The following XRCC4 variants were observed in gnomAD, a reference collection of about 807,000 sequenced individuals.
XRCC4 encodes DNA repair protein XRCC4.
XRCC4 carries 28 observed loss-of-function variants against 39.1 expected under a neutral mutation model. That is an observed-to-expected ratio of 0.72 (90% CI 0.53 to 0.98). The LOEUF (loss-of-function observed/expected upper bound fraction) is 0.98, where lower values mean the gene tolerates loss of function less well. XRCC4 is among the 50% of genes least tolerant of loss of function. The pLI, the probability that XRCC4 is intolerant of heterozygous loss-of-function variation, is 0.00. For missense variants in XRCC4, 350 were observed against 376.4 expected (o/e 0.93, Z 0.58); for synonymous variants, 123 against 126.4 (o/e 0.97, Z 0.18).
intron 3 of XRCC4, among the ~76,000 whole-genome samples, chr5:83,151,072 C>T (rs1436673321): frequency 6.6e-6 from 1 of 151,944 alleles, no homozygotes; most frequent in Non-Finnish European, 1.5e-5. Context: ...AATAGCAAGG[C>T]TTCATATATA....
chr5:83,305,208 C>T (rs1294816349), intron 7 of XRCC4, among the ~76,000 whole-genome samples: 2 of 152,076 alleles, frequency 1.3e-5, no homozygotes, highest in East Asian at 1.9e-4. Context: ...TAAAATCTTA[C>T]ATCAGTGTGG....
At chr5:83,272,863 T>G (rs1271362169) in intron 7 of XRCC4, among the ~76,000 whole-genome samples, 1 of 152,226 alleles carries the variant, frequency 6.6e-6, no homozygotes, top group Non-Finnish European at 1.5e-5. Context: ...TCTTTGCTAT[T>G]GTAAATAGAG....
In XRCC4 at chr5:83,187,030, G is replaced by A. The variant is rs1314638031; in HGVS notation, c.316-8740G>A. On this transcript the variant is annotated intron_variant, in intron 3 of 7. Transcript: ENST00000396027. Reference sequence around the variant, plus strand: ...GCGACCTCGGCTCACTGCAAGCTCCGCCTCCCGGGTTCACGCCATTCTCCT... The same window carrying A: ...GCGACCTCGGCTCACTGCAAGCTCCACCTCCCGGGTTCACGCCATTCTCCT... Among the ~76,000 whole-genome samples, 16 of 45,496 alleles carry A rather than the reference G, an allele frequency of 3.5e-4. 4 individuals carry two copies. The highest frequency in any genetic ancestry group is 7.6e-4 in the Non-Finnish European group (16 of 20,956). The allele number at this position is 45,496 out of a possible 152,430, so 29.8% of individuals were successfully genotyped here. A position where few individuals can be genotyped will look rare whatever the true frequency, so the allele number is the denominator to read the frequency against.
intron 1 of XRCC4, among the ~76,000 whole-genome samples, chr5:83,097,922 G>A (rs1187099213): frequency 6.6e-6 from 1 of 152,034 alleles, no homozygotes; most frequent in African/African-American, 2.4e-5. Context: ...TGGAACTTAG[G>A]GTCCAATTTT....
chr5:83,356,634 C>T (rs1334606062), downstream of XRCC4: 19 of 378,664 alleles, frequency 5.0e-5, no homozygotes. Flanking sequence ...TATTTCTTAC[C>T]TTATATAGAC....
intron 7 of XRCC4, among the ~76,000 whole-genome samples, chr5:83,323,474 A>T (rs1020404803): frequency 6.6e-6 from 1 of 152,122 alleles, no homozygotes; most frequent in Non-Finnish European, 1.5e-5. Context: ...ACAGTACCAT[A>T]CTTTAATCAG....
At chr5:83,136,473 T>G (rs142613201) in intron 3 of XRCC4, among the ~76,000 whole-genome samples, 1 of 152,216 alleles carries the variant, frequency 6.6e-6, no homozygotes, top group Admixed American at 6.5e-5. Flanking sequence ...CCTCATTGTT[T>G]AGTTACTGTT....
intron 3 of XRCC4, among the ~76,000 whole-genome samples, chr5:83,162,788 TC>T (rs1176193241): frequency 6.6e-6 from 1 of 152,300 alleles, no homozygotes; most frequent in East Asian, 1.9e-4. Context: ...TTTCATCTTG[TC>T]CCTAGTGGTC....
intron 3 of XRCC4, among the ~76,000 whole-genome samples, chr5:83,144,960 A>G (rs575878467): frequency 9.2e-5 from 14 of 152,128 alleles, no homozygotes; most frequent in African/African-American, 3.4e-4. Flanking sequence ...CAGTGGTGCA[A>G]TCTTGGCTCA....
intron 7 of XRCC4, among the ~76,000 whole-genome samples, chr5:83,344,405 T>C (rs1756857093): frequency 6.9e-6 from 1 of 145,018 alleles, no homozygotes; most frequent in African/African-American, 2.5e-5. Flanking sequence ...CCCAGCTAAT[T>C]TATTTTTCAC....
intron 7 of XRCC4, among the ~76,000 whole-genome samples, chr5:83,285,418 A>G (rs1754698789): frequency 6.6e-6 from 1 of 152,150 alleles, no homozygotes; most frequent in Non-Finnish European, 1.5e-5. Context: ...ATATACAGGT[A>G]GACTATGAGA....
intron 6 of XRCC4, among the ~76,000 whole-genome samples, chr5:83,253,346 G>T (rs539104550): frequency 6.6e-6 from 1 of 152,240 alleles, no homozygotes; most frequent in East Asian, 1.9e-4. Flanking sequence ...TGGTTGGTTG[G>T]TTGGTTGGTT....
At chr5:83,156,748 A>G (rs937703153) in intron 3 of XRCC4, among the ~76,000 whole-genome samples, 6 of 152,098 alleles carry the variant, frequency 3.9e-5, no homozygotes, top group Admixed American at 3.9e-4. Context: ...GGTCTAATAA[A>G]TATCCATACA....
chr5:83,196,305 T>C (rs1422320320), intron 4 of XRCC4, among the ~76,000 whole-genome samples: 1 of 152,072 alleles, frequency 6.6e-6, no homozygotes, highest in Non-Finnish European at 1.5e-5. Context: ...TAAGCATAAT[T>C]GATTTCTCAT....
At chr5:83,368,597 C>T in the XRCC4 span, among the ~76,000 whole-genome samples, 3 of 152,162 alleles carry the variant, frequency 2.0e-5, no homozygotes, top group Non-Finnish European at 2.9e-5. Context: ...AGGGAGTGGG[C>T]TCCCCTGGTG....
At chr5:83,235,949 T>C (rs1294149387) in intron 6 of XRCC4, among the ~76,000 whole-genome samples, 1 of 151,616 alleles carries the variant, frequency 6.6e-6, no homozygotes, top group Non-Finnish European at 1.5e-5. Context: ...AAAGAAACCA[T>C]GAAAAGAATT....
intron 3 of XRCC4, among the ~76,000 whole-genome samples, chr5:83,169,853 A>G (rs1749644305): frequency 6.6e-6 from 1 of 152,204 alleles, no homozygotes; most frequent in South Asian, 2.1e-4. Context: ...GTGTGACGGT[A>G]AACAGAATGA....
At chr5:83,145,559 A>G (rs546128269) in intron 3 of XRCC4, among the ~76,000 whole-genome samples, 1 of 152,300 alleles carries the variant, frequency 6.6e-6, no homozygotes, top group East Asian at 1.9e-4. Context: ...AGTCTGTCTC[A>G]AATATACTTC....
the XRCC4 span, among the ~76,000 whole-genome samples, chr5:83,360,480 T>C: frequency 6.6e-6 from 1 of 152,308 alleles, no homozygotes; most frequent in Admixed American, 6.5e-5. Flanking sequence ...TACCAAAGAT[T>C]AAATGATTCT....
Sources: allele counts gnomAD v4.1 joint callset (sites outside exome capture counted in the v4.1 genomes callset), GRCh38; gene constraint gnomAD v4.1.1; transcripts MANE v1.5; gene names NCBI Gene and HGNC (gene_info 2026-07-23, HGNC 2026-07-21).